AEBP2: variants seen among roughly 807,000 people sequenced by gnomAD.
AEBP2 encodes the protein zinc finger protein AEBP2.
Under a neutral mutation model 50.8 loss-of-function variants are expected in AEBP2, and 10 were observed. The observed-to-expected ratio is 0.20, with a 90% CI of 0.12 to 0.33. The LOEUF (loss-of-function observed/expected upper bound fraction) is 0.33. Ranked by LOEUF, AEBP2 falls within the 10% of genes least tolerant of loss-of-function variation. The pLI, the probability that AEBP2 is intolerant of heterozygous loss-of-function variation, is 1.00. For synonymous variants in AEBP2, 296 were observed against 261.3 expected, an observed-to-expected ratio of 1.13 and a Z score of -1.28; for missense variants, 570 against 688.0, an observed-to-expected ratio of 0.83 and a Z score of 1.92.
intron 7 of AEBP2, 91 bp from the exon 8 acceptor site, chr12:19,517,992 TTGCC>T: frequency 9.0e-7 from 1 of 1,116,676 alleles, no homozygotes; most frequent in South Asian, 1.7e-5. Flanking sequence ...GATCATCACA[TTGCC>T]TGTATCTTAT....
intron 1 of AEBP2, among the ~76,000 whole-genome samples, chr12:19,445,047 T>G (rs536937101): frequency 4.4e-4 from 67 of 151,922 alleles, no homozygotes; most frequent in African/African-American, 1.3e-3. Context: ...GTCTTACTAC[T>G]TGAGGTCTCT....
intron 5 of AEBP2, among the ~76,000 whole-genome samples, chr12:19,506,332 TG>T (rs1443888307): frequency 6.6e-6 from 1 of 152,000 alleles, no homozygotes; most frequent in Non-Finnish European, 1.5e-5. Flanking sequence ...ACTCCTGAAC[TG>T]TAGTGATCCA....
intron 2 of AEBP2, among the ~76,000 whole-genome samples, chr12:19,468,624 A>G (rs1027959668): frequency 1.3e-5 from 2 of 152,216 alleles, no homozygotes; most frequent in Admixed American, 6.5e-5. Context: ...CATTTTAAGT[A>G]TAGGCCATTC....
intron 1 of AEBP2, among the ~76,000 whole-genome samples, chr12:19,443,389 C>T (rs1017905871): frequency 3.3e-5 from 5 of 151,612 alleles, no homozygotes; most frequent in South Asian, 2.1e-4. Flanking sequence ...GAGCCGCCAC[C>T]GCAGGCCATG....
chr12:19,515,598 T>C (rs1949306263), intron 7 of AEBP2, among the ~76,000 whole-genome samples: 1 of 152,342 alleles, frequency 6.6e-6, no homozygotes, highest in Admixed American at 6.5e-5. Context: ...ATATCTTTTT[T>C]CAATGAAACT....
chr12:19,457,013 T>C lies in AEBP2; in HGVS notation c.672-5497T>C, dbSNP rs1948281055. 11 of 1,591,310 alleles carry C rather than the reference T, an allele frequency of 6.9e-6. No individual in the cohort carries two copies. The East Asian group carries it at 1.6e-4, about 23-fold the overall frequency. ...GATTTTCGTCCCTTGAACCAAGGCA[T>C]GTTAAAACTTGGCTCCAGCATGTTG... is the stretch of plus-strand genomic sequence containing the variant. On this transcript the variant is annotated intron_variant, in intron 1 of 7. Transcript: ENST00000266508.
intron 2 of AEBP2, among the ~76,000 whole-genome samples, chr12:19,470,354 A>G (rs1034057644): frequency 1.3e-5 from 2 of 152,060 alleles, no homozygotes; most frequent in African/African-American, 2.4e-5. Flanking sequence ...ACATGGTTTC[A>G]CCATGTTGGT....
chr12:19,418,600 GTC>G (rs1344606487), intron 1 of AEBP2, among the ~76,000 whole-genome samples: 4 of 151,984 alleles, frequency 2.6e-5, no homozygotes, highest in Non-Finnish European at 5.9e-5. Context: ...CCCAATATGA[GTC>G]TGTAAGAATC....
chr12:19,453,428 C>CTT (rs1275042466), intron 1 of AEBP2, among the ~76,000 whole-genome samples: 1 of 149,374 alleles, frequency 6.7e-6, no homozygotes, highest in Non-Finnish European at 1.5e-5. Context: ...TATATACTTT[C>CTT]TTTTTTTTTG....
At chr12:19,481,921 A>G (rs751406160) in intron 3 of AEBP2, among the ~76,000 whole-genome samples, 19 of 152,274 alleles carry the variant, frequency 1.2e-4, no homozygotes, top group Non-Finnish European at 2.5e-4. Context: ...CCTTTCTCTG[A>G]TATCTCCTTG....
chr12:19,492,517 AAGAG>A (rs1948909206), intron 3 of AEBP2, among the ~76,000 whole-genome samples: 1 of 152,178 alleles, frequency 6.6e-6, no homozygotes, highest in Admixed American at 6.5e-5. Context: ...TGTCTTTTCT[AAGAG>A]AGAGGCTAGA....
At chr12:19,511,868 A>C (rs796352611) in intron 5 of AEBP2, among the ~76,000 whole-genome samples, 9 of 152,156 alleles carry the variant, frequency 5.9e-5, no homozygotes, top group African/African-American at 2.2e-4. Context: ...AGGTGGTATG[A>C]CACAAAGGTT....
chr12:19,480,168 T>C (rs919406253), intron 3 of AEBP2, among the ~76,000 whole-genome samples: 4 of 152,188 alleles, frequency 2.6e-5, no homozygotes, highest in African/African-American at 9.6e-5. Flanking sequence ...AGTGGCACAA[T>C]CTTGGCTCAC....
chr12:19,436,490 C>G (rs936546621), upstream of AEBP2, among the ~76,000 whole-genome samples: 2 of 152,194 alleles, frequency 1.3e-5, no homozygotes, highest in South Asian at 4.2e-4. Context: ...ACCCCAAATT[C>G]TTTCTTGTGT....
At chr12:19,475,282 C>T (rs183003678) in intron 3 of AEBP2, among the ~76,000 whole-genome samples, 108 of 151,314 alleles carry the variant, frequency 7.1e-4, no homozygotes, top group African/African-American at 2.5e-3. Context: ...TATGCCTGCT[C>T]ATAGCTTAGC....
At chr12:19,465,592 A>G (rs1948458171) in intron 2 of AEBP2, among the ~76,000 whole-genome samples, 1 of 151,966 alleles carries the variant, frequency 6.6e-6, no homozygotes. Context: ...AGGTTTCACC[A>G]TGTTGCCCAG....
At position 19,404,799 on chromosome 12, in the gene AEBP2, TG is replaced by T. The variant is rs144845804; in HGVS notation, c.-17+584del. Reference sequence around the variant, plus strand: ...GTTGAGTTCTCAGTTCTCCCTTATCTGAGGTCTATGTGGCAGTGGATCCATT... The same window carrying T: ...GTTGAGTTCTCAGTTCTCCCTTATCTAGGTCTATGTGGCAGTGGATCCATT... On this transcript the variant is annotated intron_variant, in intron 1 of 3. Coordinates refer to the AEBP2 transcript ENST00000538425. Among the ~76,000 whole-genome samples the T allele has an allele frequency of 3.4e-3, 525 of 152,244 alleles. 6 individuals carry two copies. Among genetic ancestry groups the T allele is most frequent in the African/African-American group, 0.012 (509 of 41,542 alleles).
chr12:19,503,085 A>T (rs1042882245), intron 5 of AEBP2, among the ~76,000 whole-genome samples: 1 of 152,062 alleles, frequency 6.6e-6, no homozygotes, highest in African/African-American at 2.4e-5. Flanking sequence ...GCTCCTTTTC[A>T]TTCCATGTGA....
chr12:19,480,433 G>A (rs933866465), intron 3 of AEBP2, among the ~76,000 whole-genome samples: 1 of 152,108 alleles, frequency 6.6e-6, no homozygotes, highest in Admixed American at 6.5e-5. Context: ...TGTGTTTCGA[G>A]GTTTTATTTC....
Sources: allele counts gnomAD v4.1 joint callset (sites outside exome capture counted in the v4.1 genomes callset), GRCh38; gene constraint gnomAD v4.1.1; transcripts MANE v1.5; gene names NCBI Gene and HGNC (gene_info 2026-07-23, HGNC 2026-07-21).